Variants in OTOGL observed in about 807,000 individuals in gnomAD.
OTOGL encodes otogelin like.
OTOGL carries 285 observed loss-of-function variants against 318.5 expected under a neutral mutation model. The observed-to-expected ratio is 0.89, with a 90% CI of 0.81 to 0.99. The LOEUF (loss-of-function observed/expected upper bound fraction) is 0.99. OTOGL is among the 50% of genes least tolerant of loss of function. The probability of loss-of-function intolerance (pLI) is 0.00; values close to 1 mark genes in which losing one functional copy is unlikely to be tolerated. For missense variants in OTOGL, 2,899 were observed against 2,845.6 expected, an observed-to-expected ratio of 1.02 and a Z score of -0.43; for synonymous variants, 987 against 936.5, an observed-to-expected ratio of 1.05 and a Z score of -0.99.
rs1889679285 is a variant in OTOGL at position 80,353,401 on chromosome 12, G to T, written c.5484G>T (p.Trp1828Cys). Reference protein sequence around the residue: ...PCEARTCLNQWFYGHTSCLNL... With the variant: ...PCEARTCLNQCFYGHTSCLNL... Reference sequence around the variant, plus strand: ...AAGCAAGAACATGCCTGAACCAATGGTTCTATGGACACACTTCCTGTTTGA... The same window carrying T: ...AAGCAAGAACATGCCTGAACCAATGTTTCTATGGACACACTTCCTGTTTGA... The change falls in exon 46 of 59, where the codon TGG becomes TGT. Residue 1828 changes from tryptophan (W) to cysteine (C), a missense_variant. Trp to Cys is a radical substitution (Grantham distance 215). Transcript: ENST00000547103. 6.2e-7 allele frequency: 1 copy of T among 1,603,404 alleles called. No homozygotes were observed. Among genetic ancestry groups the T allele is most frequent in the Non-Finnish European group, 8.5e-7 (1 of 1,174,608 alleles).
intron 1 of OTOGL, among the ~76,000 whole-genome samples, chr12:80,113,937 C>A (rs986293001): frequency 6.6e-6 from 1 of 152,000 alleles, no homozygotes; most frequent in Admixed American, 6.6e-5. Context: ...GATTGCAACA[C>A]CTGCTTTTTT....
rs142336443 is a variant in OTOGL at position 80,375,667 on chromosome 12, C to T, written c.6782-1456C>T. Among the ~76,000 whole-genome samples, 263 of 152,128 alleles carry T rather than the reference C, an allele frequency of 1.7e-3. 1 individual carries two copies. The highest frequency in any genetic ancestry group is 6.8e-3 in the Middle Eastern group (2 of 294). On this transcript the variant is annotated intron_variant, in intron 57 of 58. Coordinates refer to ENST00000547103, the MANE Select transcript of OTOGL (RefSeq NM_001378609.3). Reference sequence around the variant, plus strand: ...AGAGTGTTCAAAGTGGAGGAAATAGCAAAATGTGGCTATTGCACGGAAAGT... The same window carrying T: ...AGAGTGTTCAAAGTGGAGGAAATAGTAAAATGTGGCTATTGCACGGAAAGT...
chr12:80,166,061 A>G (rs1319526861), intron 1 of OTOGL, among the ~76,000 whole-genome samples: 2 of 152,148 alleles, frequency 1.3e-5, no homozygotes, highest in Non-Finnish European at 2.9e-5. Context: ...ATTTTTAAAT[A>G]TATATTTTCA....
intron 9 of OTOGL, 82 bp downstream of exon 9, chr12:80,233,179 T>A: frequency 7.8e-7 from 1 of 1,286,384 alleles, no homozygotes; most frequent in Non-Finnish European, 1.0e-6. Flanking sequence ...CCAGAAGACT[T>A]GTCATAGCTT....
chr12:80,184,891 T>C (rs1018868969), intron 1 of OTOGL, among the ~76,000 whole-genome samples: 8 of 152,132 alleles, frequency 5.3e-5, no homozygotes, highest in East Asian at 1.9e-4. Flanking sequence ...TCAGTATTCT[T>C]GTATGATGTC....
intron 1 of OTOGL, among the ~76,000 whole-genome samples, chr12:80,175,497 A>T (rs895201849): frequency 2.0e-5 from 3 of 152,236 alleles, no homozygotes; most frequent in Non-Finnish European, 4.4e-5. Context: ...AAACTTGCAG[A>T]TAAAGACTCT....
chr12:80,248,931 A>T (rs2137481298), intron 11 of OTOGL, among the ~76,000 whole-genome samples: 1 of 148,134 alleles, frequency 6.8e-6, no homozygotes, highest in African/African-American at 2.6e-5. Flanking sequence ...TCCATTGCTG[A>T]TACCCTTTCT....
chr12:80,117,157 T>C (rs1870215528), intron 1 of OTOGL, among the ~76,000 whole-genome samples: 1 of 152,124 alleles, frequency 6.6e-6, no homozygotes, highest in Non-Finnish European at 1.5e-5. Context: ...ATCAGGGGTG[T>C]CATGTAAGTT....
chr12:80,105,389 C>T (rs1869397713), intron 1 of OTOGL, among the ~76,000 whole-genome samples: 1 of 152,144 alleles, frequency 6.6e-6, no homozygotes, highest in East Asian at 1.9e-4. Context: ...TGCCTAAGGT[C>T]ACACAGCTAG....
chr12:80,178,061 C>CTTT (rs71094968), intron 1 of OTOGL, among the ~76,000 whole-genome samples: 793 of 74,436 alleles, frequency 0.011, no homozygotes, highest in Non-Finnish European at 0.012. Flanking sequence ...TTCTTTCTTT[C>CTTT]TTTTTTTTTT....
chr12:80,152,461 A>G (rs1872845211), intron 1 of OTOGL, among the ~76,000 whole-genome samples: 1 of 152,170 alleles, frequency 6.6e-6, no homozygotes, highest in African/African-American at 2.4e-5. Context: ...ACTAATAGTG[A>G]CAGAAGCATG....
At chr12:80,320,303 C>A in intron 33 of OTOGL, 119 bp from the exon 34 acceptor site, 1 of 870,592 alleles carries the variant, frequency 1.1e-6, no homozygotes, top group Non-Finnish European at 1.6e-6. Flanking sequence ...TAGTTATTGG[C>A]ACTAATTATG....
chr12:80,323,043 T>C (rs889691037), intron 34 of OTOGL, among the ~76,000 whole-genome samples: 5 of 150,084 alleles, frequency 3.3e-5, no homozygotes. Context: ...TTGCAGAAAG[T>C]AAAATTCTAA....
chr12:80,264,851 A>AAAAAAC (rs1168716606), intron 19 of OTOGL, 150 bp from the exon 20 acceptor site: 1 of 835,744 alleles, frequency 1.2e-6, no homozygotes, highest in African/African-American at 1.7e-5. Flanking sequence ...TATTATATAA[A>AAAAAAC]AAAAACAAAA....
In OTOGL at chr12:80,367,546, G is replaced by T. The variant is rs906874441; in HGVS notation, c.6332-15G>T. On this transcript the variant is annotated splice_polypyrimidine_tract_variant and intron_variant, in intron 53 of 58. Coordinates refer to ENST00000547103, the MANE Select transcript of OTOGL (RefSeq NM_001378609.3). Reference sequence around the variant, plus strand: ...AACAGTATATTTTCTTATTGACTATGTTTTCTGTTCTTAGAAAAGGATGAT... The same window carrying T: ...AACAGTATATTTTCTTATTGACTATTTTTTCTGTTCTTAGAAAAGGATGAT... 2.0e-6 allele frequency: 3 copies of T among 1,470,672 alleles called. No individual in the cohort carries two copies. Among genetic ancestry groups the T allele is most frequent in the African/African-American group, 2.9e-5 (2 of 69,518 alleles). 91.1% of individuals were successfully genotyped at this position (1,470,672 alleles called of 1,614,324 possible). A position where few individuals can be genotyped will look rare whatever the true frequency, so the allele number is the denominator to read the frequency against.
chr12:80,345,839 C>T (rs1889164790), intron 44 of OTOGL, among the ~76,000 whole-genome samples: 1 of 152,132 alleles, frequency 6.6e-6, no homozygotes, highest in Non-Finnish European at 1.5e-5. Context: ...CCTTACAAAG[C>T]TTATGAGGAT....
intron 43 of OTOGL, 32 bp downstream of exon 43, chr12:80,339,296 CTGTTTT>C (rs1888610180): frequency 1.6e-5 from 7 of 434,422 alleles, no homozygotes; most frequent in Admixed American, 5.7e-5. Flanking sequence ...TTGATTTCGT[CTGTTTT>C]TTTTTTTTTT....
At chr12:80,268,727 A>G (rs147774070) in intron 22 of OTOGL, among the ~76,000 whole-genome samples, 70 of 152,218 alleles carry the variant, frequency 4.6e-4, no homozygotes, top group African/African-American at 1.6e-3. Flanking sequence ...TTCTACGCGT[A>G]GTCAAAAGCC....
intron 1 of OTOGL, among the ~76,000 whole-genome samples, chr12:80,130,293 C>T (rs1341768728): frequency 1.3e-5 from 2 of 152,138 alleles, no homozygotes; most frequent in Admixed American, 1.3e-4. Context: ...ACAAATTGTT[C>T]CAGCAAAGAT....
Sources: gnomAD v4.1 joint callset for allele counts (sites outside exome capture counted in the v4.1 genomes callset) on GRCh38, gnomAD v4.1.1 for gene constraint, MANE v1.5 for transcripts, NCBI Gene and HGNC (gene_info 2026-07-23, HGNC 2026-07-21) for gene names.